The following DAPK3 variants were observed in gnomAD, a reference collection of about 807,000 sequenced individuals.
DAPK3 encodes the protein death associated protein kinase 3, also known as death-associated protein kinase 3.
A neutral mutation model predicts 30.6 loss-of-function variants in DAPK3; 24 were observed. That is an observed-to-expected ratio of 0.78 (90% CI 0.57 to 1.10). DAPK3 has a LOEUF of 1.10. Ranked by LOEUF, DAPK3 falls within the 50% of genes least tolerant of loss-of-function variation. The pLI, the probability that DAPK3 is intolerant of heterozygous loss-of-function variation, is 0.00. For synonymous variants in DAPK3, 341 were observed against 284.0 expected (o/e 1.20, Z -2.02); for missense variants, 629 against 657.3 (o/e 0.96, Z 0.47).
chr19:3,966,547 C>G (rs960344197), intron 2 of DAPK3, among the ~76,000 whole-genome samples: 46 of 152,316 alleles, frequency 3.0e-4, no homozygotes, highest in African/African-American at 1.0e-3. Context: ...AGAAGCCTGC[C>G]TAAGAACAGA....
rs771751925 is a variant in DAPK3 at position 3,963,703 on chromosome 19, C to T, written c.603-34G>A. On this transcript the variant is annotated intron_variant, in intron 5 of 8. Transcript: ENST00000545797. ...AGACAAGAGGCAAGGGTCAGCGCAG[C>T]GTGGGGCCGCCCACCCTCCCAGGAC... 3.2e-5 allele frequency: 49 copies of T among 1,513,980 alleles called. No homozygotes were observed. In the East Asian group the frequency reaches 3.7e-4, roughly 12 times the overall value. The allele number at this position is 1,513,980 out of a possible 1,614,324, so 93.8% of individuals were successfully genotyped here.
At chr19:3,969,876 C>T (rs2039616975) in intron 1 of DAPK3, 47 bp from the exon 2 acceptor site, 1 of 641,402 alleles carries the variant, frequency 1.6e-6, no homozygotes, top group Admixed American at 2.4e-5. Flanking sequence ...AGACACCACC[C>T]TTTTCTCCTA....
rs954890165 is a variant in DAPK3 at position 3,959,506 on chromosome 19, G to A, written c.960C>T (p.Ala320=). 7 of 1,562,698 alleles carry A rather than the reference G, an allele frequency of 4.5e-6. No individual in the cohort carries two copies. The highest frequency in any genetic ancestry group is 1.7e-4 in the Middle Eastern group (1 of 6,016). Residue 320 remains alanine (A), a synonymous_variant, in exon 9 of 9, where the codon GCC becomes GCT. Transcript: ENST00000545797. ...HSSLPPNNSY[A]DFERFSKVLE... Reference sequence around the variant, plus strand: ...GCACCTTGGAGAAGCGCTCGAAGTCGGCGTAGCTGTTGTTGGGCGGCAAGC... The same window carrying A: ...GCACCTTGGAGAAGCGCTCGAAGTCAGCGTAGCTGTTGTTGGGCGGCAAGC...
At chr19:3,966,523 T>C (rs1265743946) in intron 2 of DAPK3, among the ~76,000 whole-genome samples, 2 of 152,104 alleles carry the variant, frequency 1.3e-5, no homozygotes, top group Non-Finnish European at 2.9e-5. Flanking sequence ...GGCCACCACG[T>C]AGAAGGCTAC....
chr19:3,960,241 G>A (rs1198048888), intron 7 of DAPK3, 137 bp from the exon 8 acceptor site: 1 of 631,936 alleles, frequency 1.6e-6, no homozygotes, highest in Non-Finnish European at 2.9e-6. Flanking sequence ...AGCTGAACAA[G>A]GGTACTGCAG....
chr19:3,964,167 A>G, intron 4 of DAPK3, 77 bp downstream of exon 4: 1 of 1,313,588 alleles, frequency 7.6e-7, no homozygotes, highest in Non-Finnish European at 1.1e-6. Flanking sequence ...AGCACCGGGC[A>G]TGACCCACCC....
At chr19:3,962,007 C>T (rs1343049963) in intron 6 of DAPK3, among the ~76,000 whole-genome samples, 2 of 152,160 alleles carry the variant, frequency 1.3e-5, no homozygotes, top group East Asian at 3.9e-4. Context: ...TACAGGCACC[C>T]GCTGCCACAC....
Position 3,959,641 on chromosome 19 carries a change from G to C in DAPK3, c.829-4C>G. On this transcript the variant is annotated splice_region_variant and splice_polypyrimidine_tract_variant and intron_variant, in intron 8 of 8. Coordinates refer to ENST00000545797, the MANE Select transcript of DAPK3 (RefSeq NM_001348.3). The stretch of plus-strand genomic sequence containing the variant: ...GCACGTTCCGCCGCCGGATCGCCTA[G>C]GAAGGAGGGAAGCCTGAGCGGGGTC... 6.4e-7 allele frequency: 1 copy of C among 1,571,598 alleles called. No homozygotes were observed.
chr19:3,961,242 C>T lies in DAPK3; in HGVS notation c.630-81G>A, dbSNP rs556237440. On this transcript the variant is annotated intron_variant, in intron 6 of 8. Transcript: ENST00000545797. ...CGCCTCTCCGGCTGCCCACGACAGGCGGAGCACAGAAGACAGGCTGACGGC... is the reference window on the plus strand; with the variant it reads ...CGCCTCTCCGGCTGCCCACGACAGGTGGAGCACAGAAGACAGGCTGACGGC... 2,026 of 1,202,278 alleles carry T rather than the reference C, an allele frequency of 1.7e-3. 24 individuals are homozygous for T. The African/African-American group carries it at 0.027, about 16-fold the overall frequency. 74.5% of individuals were successfully genotyped at this position (1,202,278 alleles called of 1,614,324 possible).
intron 2 of DAPK3, among the ~76,000 whole-genome samples, chr19:3,966,434 C>T (rs1177699891): frequency 6.6e-6 from 1 of 152,172 alleles, no homozygotes; most frequent in Non-Finnish European, 1.5e-5. Context: ...CCGGTCCAGT[C>T]CACAGGGCTC....
intron 2 of DAPK3, among the ~76,000 whole-genome samples, chr19:3,965,666 T>TTTC (rs2039571037): frequency 3.0e-5 from 2 of 66,566 alleles, no homozygotes; most frequent in Admixed American, 3.3e-4. Flanking sequence ...TTTTTTGTTT[T>TTTC]TGTTTTGTTT....
At chr19:3,968,000 T>C (rs1479229461) in intron 2 of DAPK3, among the ~76,000 whole-genome samples, 1 of 152,206 alleles carries the variant, frequency 6.6e-6, no homozygotes, top group Non-Finnish European at 1.5e-5. Flanking sequence ...TATGAATTTC[T>C]GTTTGTTTGA....
At chr19:3,968,222 C>T (rs991546637) in intron 2 of DAPK3, among the ~76,000 whole-genome samples, 2 of 151,966 alleles carry the variant, frequency 1.3e-5, no homozygotes, top group Non-Finnish European at 2.9e-5. Context: ...CAGCGGGGTG[C>T]GGTGGCTCAC....
intron 5 of DAPK3, 40 bp from the exon 6 acceptor site, chr19:3,963,709 G>A: frequency 1.3e-6 from 2 of 1,504,540 alleles, no homozygotes. Context: ...GCAGCGTGGG[G>A]CCGCCCACCC....
intron 2 of DAPK3, among the ~76,000 whole-genome samples, chr19:3,967,139 G>A (rs1405286184): frequency 6.6e-6 from 1 of 152,188 alleles, no homozygotes; most frequent in African/African-American, 2.4e-5. Context: ...TACTGATAGA[G>A]TTCATGATGT....
At chr19:3,960,251 G>A (rs1328633363) in intron 7 of DAPK3, 147 bp from the exon 8 acceptor site, 3 of 616,000 alleles carry the variant, frequency 4.9e-6, no homozygotes, top group African/African-American at 3.8e-5. Flanking sequence ...GGGTACTGCA[G>A]GGAGCGTGGG....
intron 2 of DAPK3, 140 bp from the exon 3 acceptor site, chr19:3,965,131 C>T (rs1004931919): frequency 9.8e-6 from 6 of 611,460 alleles, no homozygotes; most frequent in African/African-American, 3.7e-5. Context: ...CTGGCCACTG[C>T]GGGGGTGCAG....
chr19:3,964,926 A>C lies in DAPK3; in HGVS notation c.128T>G (p.Phe43Cys). 2 of 1,612,478 alleles carry C rather than the reference A, an allele frequency of 1.2e-6. No individual in the cohort carries two copies. Among genetic ancestry groups the C allele is most frequent in the Non-Finnish European group, 1.7e-6 (2 of 1,178,878 alleles). The change falls in exon 3 of 9, where the codon TTC (phenylalanine) becomes TGC (cysteine). Residue 43 changes from phenylalanine to cysteine, a missense_variant. Physicochemically the swap from Phe to Cys is radical, Grantham distance 205 (BLOSUM62 -2). Around this residue, in one of 2 missense-constraint regions of DAPK3, gnomAD observed 306 missense variants for 378.5 expected, o/e 0.81. Transcript: ENST00000545797. ...GGATGACAGGCGGCGCTTCTTGATG[A>C]ACTTGGCTGCGTACTCCTTGCCCGT... is the stretch of plus-strand genomic sequence containing the variant. ...KGTGKEYAAK[F>C]IKKRRLSSSR...
intron 7 of DAPK3, 136 bp downstream of exon 7, chr19:3,960,873 C>T: frequency 1.2e-6 from 1 of 853,254 alleles, no homozygotes; most frequent in African/African-American, 1.7e-5. Flanking sequence ...TTACTCTCTC[C>T]AGCCCAAGGG....
Sources: gnomAD v4.1 joint callset for allele counts (sites outside exome capture counted in the v4.1 genomes callset) on GRCh38, gnomAD v4.1.1 for gene constraint, gnomAD v4.1.1 regional missense constraint, MANE v1.5 for transcripts, NCBI Gene and HGNC (gene_info 2026-07-23, HGNC 2026-07-21) for gene names.